The following KCNIP4 variants were observed in gnomAD, a reference collection of about 807,000 sequenced individuals.
KCNIP4 encodes potassium voltage-gated channel interacting protein 4, also known as Kv channel-interacting protein 4.
In KCNIP4, 12 loss-of-function variants were observed where a neutral mutation model predicts 34.0. That is an observed-to-expected ratio of 0.35 (90% confidence interval 0.23 to 0.57). KCNIP4 has a LOEUF of 0.57. Ranked by LOEUF, KCNIP4 falls within the 20% of genes least tolerant of loss-of-function variation. The pLI, the probability that KCNIP4 is intolerant of heterozygous loss-of-function variation, is 0.83. For synonymous variants in KCNIP4, 124 were observed against 102.2 expected, an observed-to-expected ratio of 1.21 and a Z score of -1.29; for missense variants, 238 against 311.7, an observed-to-expected ratio of 0.76 and a Z score of 1.78.
chr4:21,113,454 TTAA>T (rs1325031798), intron 1 of KCNIP4, among the ~76,000 whole-genome samples: 52 of 55,678 alleles, frequency 9.3e-4, no homozygotes, highest in African/African-American at 3.5e-3. Flanking sequence ...ATCTATAAGT[TTAA>T]AAAAAAAAAA....
At chr4:21,757,852 T>C (rs775979087) in intron 1 of KCNIP4, among the ~76,000 whole-genome samples, 36 of 152,158 alleles carry the variant, frequency 2.4e-4, no homozygotes, top group African/African-American at 6.5e-4. Context: ...TCAGAACTTT[T>C]TGTAGCCACA....
rs1495521 is a variant in KCNIP4 at position 21,378,971 on chromosome 4, G to T, written c.62-496262C>A. On this transcript the variant is annotated intron_variant, in intron 1 of 8. Coordinates refer to ENST00000382152, the MANE Select transcript of KCNIP4 (RefSeq NM_025221.6). Reference sequence around the variant, plus strand: ...CTCCTTCTTCCTATTCTGTCCAACAGGTTAAAAACAATCGTTAATTCATTA... The same window carrying T: ...CTCCTTCTTCCTATTCTGTCCAACATGTTAAAAACAATCGTTAATTCATTA... Among the ~76,000 whole-genome samples, 104 of 151,908 alleles carry T rather than the reference G, an allele frequency of 6.8e-4. No homozygotes were observed. The East Asian group carries it at 0.019, about 28-fold the overall frequency.
intron 1 of KCNIP4, among the ~76,000 whole-genome samples, chr4:21,021,848 AAGTATAGTATCGTATAGTATAGTAT>A (rs1560653114): frequency 1.5e-5 from 2 of 134,494 alleles, no homozygotes; most frequent in African/African-American, 5.4e-5. Context: ...TAATAATGAA[AAGTATAGTATCGTATAGTATAGTAT>A]AGTATAGTAT....
chr4:21,400,242 G>A (rs1053748293), intron 1 of KCNIP4, among the ~76,000 whole-genome samples: 2 of 152,086 alleles, frequency 1.3e-5, no homozygotes, highest in African/African-American at 4.8e-5. Context: ...GGTCCTAATT[G>A]CCCTATTCTA....
intron 1 of KCNIP4, among the ~76,000 whole-genome samples, chr4:21,806,287 A>T (rs1032630771): frequency 6.6e-6 from 1 of 152,196 alleles, no homozygotes; most frequent in Non-Finnish European, 1.5e-5. Context: ...ATAGCACCCC[A>T]TATAGTATTT....
In KCNIP4 at chr4:21,069,673, T is replaced by A. The variant is rs1744719608; in HGVS notation, c.62-186964A>T. ...ATACCTCAGCTGACAATGACCAAGCTTATGGGAAGAAGATACAGAAAAATA... is the reference window on the plus strand; with the variant it reads ...ATACCTCAGCTGACAATGACCAAGCATATGGGAAGAAGATACAGAAAAATA... On this transcript the variant is annotated intron_variant, in intron 1 of 8. Transcript: ENST00000382152. Among the ~76,000 whole-genome samples, 3 of 152,194 alleles carry A rather than the reference T, an allele frequency of 2.0e-5. No individual in the cohort carries two copies. The South Asian group carries it at 6.2e-4, about 32-fold the overall frequency.
At chr4:20,975,176 C>T (rs1241104654) in intron 1 of KCNIP4, among the ~76,000 whole-genome samples, 1 of 152,156 alleles carries the variant, frequency 6.6e-6, no homozygotes, top group Non-Finnish European at 1.5e-5. Flanking sequence ...ATCTTATCCA[C>T]TACTTATAGA....
intron 1 of KCNIP4, among the ~76,000 whole-genome samples, chr4:20,936,271 T>G (rs1019868256): frequency 6.6e-6 from 1 of 152,130 alleles, no homozygotes; most frequent in Non-Finnish European, 1.5e-5. Context: ...AGAACTGCAG[T>G]TTCCATCCTG....
rs184211699 is a variant in KCNIP4, at chr4:20,990,201, C to A, written c.62-107492G>T. 2.6e-3 allele frequency among the ~76,000 whole-genome samples: 390 copies of A among 152,258 alleles called. 2 individuals carry two copies. Among genetic ancestry groups the A allele is most frequent in the African/African-American group, 9.0e-3 (372 of 41,536 alleles). Reference sequence around the variant, plus strand: ...CTACCCGCAGGTGCCCTCTACTCTACCCTCAACATCACCTCCACATTAAAG... The same window carrying A: ...CTACCCGCAGGTGCCCTCTACTCTAACCTCAACATCACCTCCACATTAAAG... On this transcript the variant is annotated intron_variant, in intron 1 of 8. Coordinates refer to ENST00000382152, the MANE Select transcript of KCNIP4 (RefSeq NM_025221.6).
At chr4:21,785,480 T>G (rs1719841538) in intron 1 of KCNIP4, among the ~76,000 whole-genome samples, 1 of 151,860 alleles carries the variant, frequency 6.6e-6, no homozygotes, top group African/African-American at 2.4e-5. Context: ...TAATCCCAGT[T>G]ACTTGGAAGG....
At chr4:21,489,839 A>G (rs1195567125) in intron 1 of KCNIP4, among the ~76,000 whole-genome samples, 1 of 152,128 alleles carries the variant, frequency 6.6e-6, no homozygotes, top group African/African-American at 2.4e-5. Context: ...GCTTATATAA[A>G]CACTGAGATT....
At chr4:21,731,932 C>G (rs925542798) in intron 1 of KCNIP4, among the ~76,000 whole-genome samples, 2 of 151,938 alleles carry the variant, frequency 1.3e-5, no homozygotes, top group African/African-American at 4.8e-5. Context: ...CAATGAGAAA[C>G]CTCAGAATTA....
intron 1 of KCNIP4, among the ~76,000 whole-genome samples, chr4:21,863,899 G>A (rs751896583): frequency 3.9e-5 from 6 of 152,066 alleles, no homozygotes; most frequent in Non-Finnish European, 7.4e-5. Flanking sequence ...AAGGTGTCTC[G>A]GTTTTCCTTG....
intron 1 of KCNIP4, chr4:21,729,805 T>C (rs1453605288): frequency 5.3e-5 from 8 of 152,216 alleles, no homozygotes; most frequent in Admixed American, 4.6e-4. Flanking sequence ...TTGAATCTTT[T>C]ACAAAACATA....
At position 21,704,073 on chromosome 4, in the gene KCNIP4, G is replaced by A. The variant is rs1399703598; in HGVS notation, c.61+244498C>T. Among the ~76,000 whole-genome samples the A allele has an allele frequency of 3.9e-5, 6 of 152,294 alleles. No homozygotes were observed. In the South Asian group the frequency reaches 6.2e-4, roughly 16 times the overall value. On this transcript the variant is annotated intron_variant, in intron 1 of 8. Coordinates refer to ENST00000382152, the MANE Select transcript of KCNIP4 (RefSeq NM_025221.6). ...ACAAAGATGCAAGAGCAGCTATTCA[G>A]TAGAGGAAAGACAGCCTTTCAACAG...
chr4:21,246,532 G>C (rs774116774), intron 1 of KCNIP4, among the ~76,000 whole-genome samples: 10 of 152,058 alleles, frequency 6.6e-5, no homozygotes, highest in Non-Finnish European at 1.5e-4. Flanking sequence ...ATCGATTTAG[G>C]CCACACAGTT....
At chr4:20,745,199 A>C (rs2149321173) in intron 5 of KCNIP4, among the ~76,000 whole-genome samples, 1 of 149,542 alleles carries the variant, frequency 6.7e-6, no homozygotes, top group African/African-American at 2.5e-5. Context: ...GTTGCTGTGA[A>C]CCAATGAAAT....
At chr4:20,978,023 T>G (rs1735657613) in intron 1 of KCNIP4, among the ~76,000 whole-genome samples, 1 of 152,194 alleles carries the variant, frequency 6.6e-6, no homozygotes, top group African/African-American at 2.4e-5. Context: ...TAATACATAT[T>G]TGTTATATTT....
intron 1 of KCNIP4, among the ~76,000 whole-genome samples, chr4:21,485,340 C>T (rs556362173): frequency 6.6e-6 from 1 of 152,224 alleles, no homozygotes; most frequent in African/African-American, 2.4e-5. Flanking sequence ...CTTAACATGT[C>T]CTAGAATGGT....
Sources: allele counts gnomAD v4.1 joint callset (sites outside exome capture counted in the v4.1 genomes callset), GRCh38; gene constraint gnomAD v4.1.1; transcripts MANE v1.5; gene names NCBI Gene and HGNC (gene_info 2026-07-23, HGNC 2026-07-21).